The following PRKG1 variants were observed in gnomAD, a reference collection of about 807,000 sequenced individuals.
PRKG1 encodes the protein protein kinase cGMP-dependent 1.
In PRKG1, 35 loss-of-function variants were observed where a neutral mutation model predicts 88.1. The ratio of observed to expected loss-of-function variants is 0.40; its 90% CI spans 0.30 to 0.53. The LOEUF (loss-of-function observed/expected upper bound fraction) is 0.53. Among genes scored for constraint, PRKG1 ranks in the 20% least tolerant of loss-of-function variants. PRKG1 has a pLI of 0.59. For synonymous variants in PRKG1, 303 were observed against 292.5 expected (o/e 1.04, Z -0.37); for missense variants, 540 against 839.8 (o/e 0.64, Z 4.41).
intron 3 of PRKG1, among the ~76,000 whole-genome samples, chr10:51,551,853 A>G (rs1837147203): frequency 6.6e-6 from 1 of 151,750 alleles, no homozygotes; most frequent in East Asian, 1.9e-4. Flanking sequence ...CCATAGTAAA[A>G]GCTTTGATTC....
chr10:52,111,907 A>G (rs1847573454), intron 7 of PRKG1, among the ~76,000 whole-genome samples: 1 of 152,196 alleles, frequency 6.6e-6, no homozygotes, highest in Non-Finnish European at 1.5e-5. Context: ...ACATTAGCAG[A>G]GGGGTCTTCT....
upstream of PRKG1, among the ~76,000 whole-genome samples, chr10:51,069,581 GTTGTGCATTA>G: frequency 6.6e-6 from 1 of 152,072 alleles, no homozygotes; most frequent in South Asian, 2.1e-4. Flanking sequence ...GACAGTTCCG[GTTGTGCATTA>G]TTATTCATTG....
intron 3 of PRKG1, among the ~76,000 whole-genome samples, chr10:51,520,562 T>A (rs772501786): frequency 5.7e-4 from 87 of 152,034 alleles, no homozygotes; most frequent in Non-Finnish European, 1.2e-3. Flanking sequence ...ATAATAAACA[T>A]TTTTAGATGA....
chr10:51,365,301 ATC>A (rs1564463318), intron 2 of PRKG1, among the ~76,000 whole-genome samples: 1 of 151,840 alleles, frequency 6.6e-6, no homozygotes, highest in South Asian at 2.1e-4. Context: ...TCAAAGCCCA[ATC>A]TCTTTCCATA....
intron 2 of PRKG1, among the ~76,000 whole-genome samples, chr10:51,313,009 T>C (rs1239916464): frequency 6.6e-6 from 1 of 151,746 alleles, no homozygotes; most frequent in Non-Finnish European, 1.5e-5. Context: ...TGGGCTGATA[T>C]CATTATTCCA....
chr10:51,058,421 A>G (rs1843656687), intron 1 of PRKG1, among the ~76,000 whole-genome samples: 1 of 152,126 alleles, frequency 6.6e-6, no homozygotes, highest in Non-Finnish European at 1.5e-5. Context: ...AAAATTGAGC[A>G]AAAGGTATAG....
chr10:51,581,989 T>G (rs1485442563), intron 3 of PRKG1, among the ~76,000 whole-genome samples: 1 of 152,118 alleles, frequency 6.6e-6, no homozygotes, highest in East Asian at 1.9e-4. Context: ...GCACGTTTGT[T>G]TAGAATTTGG....
At chr10:52,284,831 G>C (rs1207987729) in intron 14 of PRKG1, among the ~76,000 whole-genome samples, 1 of 151,986 alleles carries the variant, frequency 6.6e-6, no homozygotes, top group African/African-American at 2.4e-5. Context: ...TTATAATGTT[G>C]GTCAGTGAAG....
intron 5 of PRKG1, among the ~76,000 whole-genome samples, chr10:51,979,410 G>GTTTT (rs61150252): frequency 0.087 from 4,069 of 46,980 alleles, 1,418 homozygotes; most frequent in South Asian, 0.23. Flanking sequence ...ATATTGGTCT[G>GTTTT]TTTTTTTTTT....
At chr10:51,621,522 C>A (rs1839211765) in intron 3 of PRKG1, among the ~76,000 whole-genome samples, 1 of 152,122 alleles carries the variant, frequency 6.6e-6, no homozygotes. Context: ...CCACCTTAGT[C>A]CCTAGAGCCA....
chr10:51,467,131 A>G (rs963045670), intron 2 of PRKG1, among the ~76,000 whole-genome samples: 6 of 152,054 alleles, frequency 3.9e-5, no homozygotes, highest in Admixed American at 6.5e-5. Context: ...TTTATCAAAC[A>G]TAAACTGTCA....
intron 2 of PRKG1, chr10:51,302,566 T>TTTTC (rs997948729): frequency 2.0e-5 from 3 of 151,924 alleles, no homozygotes; most frequent in African/African-American, 7.2e-5. Context: ...CTTTTTTTTT[T>TTTTC]TTTTAACGAG....
chr10:51,256,570 A>G (rs1055477245), intron 2 of PRKG1, among the ~76,000 whole-genome samples: 1 of 152,174 alleles, frequency 6.6e-6, no homozygotes, highest in South Asian at 2.1e-4. Context: ...AGGAAAGTTC[A>G]GTGAAGAGGG....
At chr10:51,599,192 C>T (rs138949589) in intron 3 of PRKG1, among the ~76,000 whole-genome samples, 2 of 152,154 alleles carry the variant, frequency 1.3e-5, no homozygotes, top group South Asian at 4.2e-4. Context: ...TTTGGTTACC[C>T]TCTTCTCCCC....
intron 10 of PRKG1, among the ~76,000 whole-genome samples, chr10:52,260,227 C>T (rs533495064): frequency 2.0e-5 from 3 of 151,880 alleles, no homozygotes; most frequent in Non-Finnish European, 4.4e-5. Flanking sequence ...TGAATTGTAT[C>T]GTTAGCCTTT....
intron 3 of PRKG1, among the ~76,000 whole-genome samples, chr10:51,561,892 G>T (rs4935266): frequency 0.14 from 21,489 of 151,884 alleles, 1,635 homozygotes; most frequent in African/African-American, 0.19. Context: ...TAGTGCTACT[G>T]GCAGGTCTAT....
At chr10:51,409,770 C>T (rs911522471) in intron 2 of PRKG1, among the ~76,000 whole-genome samples, 3 of 145,156 alleles carry the variant, frequency 2.1e-5, no homozygotes, top group Non-Finnish European at 3.0e-5. Context: ...AGGAGGATGG[C>T]TTGAACCCAG....
rs533943164 is a variant in PRKG1, at chr10:51,493,495, A to G, written c.592+25659A>G. Among the ~76,000 whole-genome samples the G allele has an allele frequency of 9.9e-5, 15 of 152,274 alleles. No homozygotes were observed. In the South Asian group the frequency reaches 3.1e-3, roughly 32 times the overall value. On this transcript the variant is annotated intron_variant, in intron 3 of 17. Coordinates refer to ENST00000373980, the MANE Select transcript of PRKG1 (RefSeq NM_006258.4). ...TTTCTATTGCCAGAAAATATTTTTT[A>G]GCTATTGACTGATTTTTTTAGATGT...
chr10:51,893,323 T>G (rs1049220515), intron 4 of PRKG1, among the ~76,000 whole-genome samples: 4 of 151,876 alleles, frequency 2.6e-5, no homozygotes, highest in African/African-American at 9.7e-5. Context: ...TCCTGAAAAA[T>G]AGCAAGCAGA....
Sources: allele counts gnomAD v4.1 joint callset (sites outside exome capture counted in the v4.1 genomes callset), GRCh38; gene constraint gnomAD v4.1.1; transcripts MANE v1.5; gene names NCBI Gene and HGNC (gene_info 2026-07-23, HGNC 2026-07-21).